Variants in ZGPAT observed in about 807,000 individuals in gnomAD.
ZGPAT encodes zinc finger CCCH-type with G patch domain-containing protein.
A neutral mutation model predicts 47.9 loss-of-function variants in ZGPAT; 39 were observed. The observed-to-expected ratio is 0.81, with a 90% CI of 0.63 to 1.06. The LOEUF (loss-of-function observed/expected upper bound fraction) is 1.06. Among genes scored for constraint, ZGPAT ranks in the 50% least tolerant of loss-of-function variants. The pLI, the probability that ZGPAT is intolerant of heterozygous loss-of-function variation, is 0.00. For synonymous variants in ZGPAT, 348 were observed against 292.9 expected, an observed-to-expected ratio of 1.19 and a Z score of -1.92; for missense variants, 717 against 681.4, an observed-to-expected ratio of 1.05 and a Z score of -0.58.
intron 2 of ZGPAT, among the ~76,000 whole-genome samples, chr20:63,718,972 A>G (rs899352571): frequency 6.6e-6 from 1 of 151,852 alleles, no homozygotes; most frequent in African/African-American, 2.4e-5. Flanking sequence ...AAGCTGAAGC[A>G]GGAGAATGGC....
chr20:63,735,626 A>G (rs2091979416), intron 6 of ZGPAT, 62 bp downstream of exon 6: 10 of 1,495,472 alleles, frequency 6.7e-6, no homozygotes, highest in African/African-American at 1.4e-5. Context: ...CCCGGGATAC[A>G]TGCTGGAGGT....
chr20:63,720,098 T>C (rs1288306715), intron 2 of ZGPAT, among the ~76,000 whole-genome samples: 3 of 151,980 alleles, frequency 2.0e-5, no homozygotes, highest in African/African-American at 7.2e-5. Context: ...GTCATTCAAA[T>C]GTCTAGGCTT....
intron 2 of ZGPAT, among the ~76,000 whole-genome samples, chr20:63,713,984 T>C (rs2091699472): frequency 6.6e-6 from 1 of 152,106 alleles, no homozygotes; most frequent in Non-Finnish European, 1.5e-5. Flanking sequence ...GGATTTTCGA[T>C]ATATACAATC....
At chr20:63,727,735 T>C (rs566406702) in intron 2 of ZGPAT, among the ~76,000 whole-genome samples, 2 of 151,946 alleles carry the variant, frequency 1.3e-5, no homozygotes, top group African/African-American at 4.8e-5. Flanking sequence ...TTTCATTTAA[T>C]TATTTGAACA....
At chr20:63,710,496 T>C (rs901364266) in intron 2 of ZGPAT, among the ~76,000 whole-genome samples, 9 of 152,224 alleles carry the variant, frequency 5.9e-5, no homozygotes, top group Admixed American at 6.5e-5. Context: ...TAAATTTTAC[T>C]TTCATGGAGA....
chr20:63,731,413 ATG>A (rs2091900538), intron 2 of ZGPAT, among the ~76,000 whole-genome samples: 1 of 91,320 alleles, frequency 1.1e-5, no homozygotes, highest in Non-Finnish European at 2.3e-5. Flanking sequence ...GTGTGTGTGT[ATG>A]TGTGCATGTG....
intron 2 of ZGPAT, among the ~76,000 whole-genome samples, chr20:63,731,058 G>A (rs1421973621): frequency 6.6e-6 from 1 of 151,230 alleles, no homozygotes; most frequent in Non-Finnish European, 1.5e-5. Context: ...TATTTCATAA[G>A]CAGGTTCTCC....
chr20:63,714,110 T>A (rs2091700893), intron 2 of ZGPAT, among the ~76,000 whole-genome samples: 1 of 152,066 alleles, frequency 6.6e-6, no homozygotes, highest in African/African-American at 2.4e-5. Flanking sequence ...AGCTAGAACT[T>A]CAAGTACAAT....
chr20:63,730,370 C>T (rs542756493), intron 2 of ZGPAT: 4 of 152,344 alleles, frequency 2.6e-5, no homozygotes, highest in South Asian at 2.1e-4. Flanking sequence ...TACGAGGCCA[C>T]CTTTGTCTAC....
At chr20:63,734,107 G>A (rs2091950766) in intron 4 of ZGPAT, 2 of 298,984 alleles carry the variant, frequency 6.7e-6, no homozygotes, top group Non-Finnish European at 6.3e-6. Flanking sequence ...GGGTGCCTGG[G>A]ATCCTGGCAG....
intron 2 of ZGPAT, among the ~76,000 whole-genome samples, chr20:63,726,461 A>C (rs2091847015): frequency 6.6e-6 from 1 of 151,216 alleles, no homozygotes; most frequent in South Asian, 2.1e-4. Context: ...TAGGCCTCTC[A>C]AAGTGCTGGG....
At chr20:63,709,491 AC>A (rs1483125108) in intron 2 of ZGPAT, among the ~76,000 whole-genome samples, 1 of 151,652 alleles carries the variant, frequency 6.6e-6, no homozygotes, top group Non-Finnish European at 1.5e-5. Context: ...ACAAAAATGA[AC>A]CGGTCGTGGT....
In ZGPAT at chr20:63,736,017, G is replaced by A; in HGVS notation, c.*98G>A. 1.3e-6 allele frequency: 2 copies of A among 1,512,236 alleles called. No homozygotes were observed. The highest frequency in any genetic ancestry group is 1.8e-6 in the Non-Finnish European group (2 of 1,123,062). The allele number at this position is 1,512,236 out of a possible 1,614,324, so 93.7% of individuals were successfully genotyped here. On this transcript the variant is annotated 3_prime_UTR_variant, in exon 7 of 7. Transcript: ENST00000355969. Reference sequence around the variant, plus strand: ...GAGGAGGGGCCGGCCTGCTGGCCTGGGGCGTGCAGACACTGCTGAGTGGAG... The same window carrying A: ...GAGGAGGGGCCGGCCTGCTGGCCTGAGGCGTGCAGACACTGCTGAGTGGAG...
At chr20:63,722,167 G>GT (rs1418219904) in intron 2 of ZGPAT, among the ~76,000 whole-genome samples, 11 of 152,168 alleles carry the variant, frequency 7.2e-5, no homozygotes, top group African/African-American at 2.7e-4. Context: ...GAAAAGGTCT[G>GT]TATCATCCCT....
At chr20:63,717,107 A>G (rs2091737012) in intron 2 of ZGPAT, among the ~76,000 whole-genome samples, 1 of 152,104 alleles carries the variant, frequency 6.6e-6, no homozygotes, top group East Asian at 1.9e-4. Context: ...ATGAGCCACC[A>G]CGCATGGCCT....
chr20:63,725,558 G>A (rs2091836445), intron 2 of ZGPAT, among the ~76,000 whole-genome samples: 1 of 152,008 alleles, frequency 6.6e-6, no homozygotes, highest in South Asian at 2.1e-4. Flanking sequence ...GCCTTTAGTA[G>A]TTTGTGATGT....
intron 2 of ZGPAT, among the ~76,000 whole-genome samples, chr20:63,710,298 G>A (rs1002197664): frequency 2.0e-5 from 3 of 151,792 alleles, no homozygotes; most frequent in Admixed American, 6.6e-5. Context: ...CATTACAGGC[G>A]CCCGCCACCA....
chr20:63,734,700 T>C lies in ZGPAT; in HGVS notation c.872-5T>C, dbSNP rs2091960271. ...AGTCCTCTGCCCTCTGTCCGTCTCT[T>C]GCAGTGGTGGGGTCAGATGCTGTGG... On this transcript the variant is annotated splice_polypyrimidine_tract_variant and splice_region_variant and intron_variant, in intron 4 of 6. Transcript: ENST00000355969. The C allele has an allele frequency of 3.1e-6, 5 of 1,613,702 alleles. No homozygotes were observed. The highest frequency in any genetic ancestry group is 4.2e-6 in the Non-Finnish European group (5 of 1,179,802).
At chr20:63,731,836 T>G (rs2091907738) in intron 2 of ZGPAT, among the ~76,000 whole-genome samples, 1 of 152,236 alleles carries the variant, frequency 6.6e-6, no homozygotes, top group African/African-American at 2.4e-5. Flanking sequence ...GATGGCTGCG[T>G]CTGTACACTG....
Sources: allele counts gnomAD v4.1 joint callset (sites outside exome capture counted in the v4.1 genomes callset), GRCh38; gene constraint gnomAD v4.1.1; transcripts MANE v1.5; gene names NCBI Gene and HGNC (gene_info 2026-07-23, HGNC 2026-07-21).